The following CYP46A1 variants were observed in gnomAD, a reference collection of about 807,000 sequenced individuals.
The protein encoded by CYP46A1 is cholesterol 24-hydroxylase.
In CYP46A1, 20 loss-of-function variants were observed where a neutral mutation model predicts 63.3. The ratio of observed to expected loss-of-function variants is 0.32; its 90% confidence interval spans 0.22 to 0.46. The LOEUF (loss-of-function observed/expected upper bound fraction) is 0.46, where lower values mean the gene tolerates loss of function less well. Ranked by LOEUF, CYP46A1 falls within the 20% of genes least tolerant of loss-of-function variation. The pLI is 1.00. For synonymous variants in CYP46A1, 268 were observed against 273.6 expected (o/e 0.98, Z 0.20); for missense variants, 445 against 670.8 (o/e 0.66, Z 3.72).
intron 9 of CYP46A1, 43 bp from the exon 10 acceptor site, chr14:99,718,011 C>A: frequency 1.3e-6 from 2 of 1,505,556 alleles, no homozygotes; most frequent in Non-Finnish European, 1.8e-6. Flanking sequence ...CTCCTTCATC[C>A]TGTGGCCCCA....
intron 5 of CYP46A1, chr14:99,703,952 G>A (rs2056653612): frequency 1.1e-6 from 1 of 909,506 alleles, no homozygotes; most frequent in Non-Finnish European, 1.3e-6. Flanking sequence ...AAGAGCCAGG[G>A]TTGCAAAGGC....
intron 7 of CYP46A1, chr14:99,710,663 C>T (rs1410073190): frequency 1.3e-5 from 2 of 152,028 alleles, no homozygotes; most frequent in African/African-American, 2.4e-5. Flanking sequence ...TACCAGAGCA[C>T]CCAGAGATAG....
At position 99,722,036 on chromosome 14, in the gene CYP46A1, G is replaced by A. The variant is rs1306724523; in HGVS notation, c.1146G>A (p.Gly382=). ...TGGAAGAGGAGACCTTGATTGATGG[G>A]GTCAGAGTCCCCGGCAACACCCCGC... is the stretch of plus-strand genomic sequence containing the variant. ...RLLEEETLID[G]VRVPGNTPLL... Residue 382 remains glycine (G), a synonymous_variant, in exon 12 of 15, where the codon GGG becomes GGA. Coordinates refer to ENST00000261835, the MANE Select transcript of CYP46A1 (RefSeq NM_006668.2). The surrounding 1 kb of genome is among the most constrained non-coding windows in gnomAD (Gnocchi z 4.6). 6.2e-7 allele frequency: 1 copy of A among 1,613,262 alleles called. No homozygotes were observed.
chr14:99,726,262 A>C lies in CYP46A1; in HGVS notation c.1332+6A>C, dbSNP rs1566838375. On this transcript the variant is annotated splice_donor_region_variant and intron_variant, in intron 14 of 14. Transcript: ENST00000261835. ...TCGGGCAGCAGTTTGCTCAGGTAGGAGGGGCAGGGCTGTGGTTCTGCCCAG... is the reference window on the plus strand; with the variant it reads ...TCGGGCAGCAGTTTGCTCAGGTAGGCGGGGCAGGGCTGTGGTTCTGCCCAG... The C allele has an allele frequency of 6.2e-7, 1 of 1,612,868 alleles. No individual in the cohort carries two copies. The highest frequency in any genetic ancestry group is 2.2e-5 in the East Asian group (1 of 44,824).
chr14:99,696,190 T>G (rs1015107656), intron 3 of CYP46A1, among the ~76,000 whole-genome samples: 4 of 152,218 alleles, frequency 2.6e-5, no homozygotes, highest in African/African-American at 9.6e-5. Context: ...ATCTGTTTTT[T>G]GTTCCCTTTT....
intron 5 of CYP46A1, among the ~76,000 whole-genome samples, chr14:99,701,842 G>A (rs1285029873): frequency 6.6e-6 from 1 of 152,174 alleles, no homozygotes; most frequent in Non-Finnish European, 1.5e-5. Flanking sequence ...GGCCAAGGCA[G>A]GCGGATCACC....
At chr14:99,720,327 C>T (rs1488948935) in intron 10 of CYP46A1, among the ~76,000 whole-genome samples, 5 of 152,174 alleles carry the variant, frequency 3.3e-5, no homozygotes, top group African/African-American at 4.8e-5. Context: ...TTTTCCATAA[C>T]GGCTGAACCA....
rs1287607208 is a variant in CYP46A1, at chr14:99,684,668, G to A, written c.119+132G>A. On this transcript the variant is annotated intron_variant, in intron 1 of 14. Transcript: ENST00000261835. ...GCGGCCGCTGGGAGTCGGCGGCCCC[G>A]AGAGGGGCGCTAACTATTCTTAGTA... 6.8e-6 allele frequency: 5 copies of A among 731,774 alleles called. No homozygotes were observed. In the African/African-American group the frequency reaches 8.8e-5, roughly 13 times the overall value. The allele number at this position is 731,774 out of a possible 1,614,324, so 45.3% of individuals were successfully genotyped here.
chr14:99,725,610 G>A lies in CYP46A1; in HGVS notation c.1265+131G>A. 1.5e-6 allele frequency: 1 copy of A among 675,028 alleles called. No homozygotes were observed. Among genetic ancestry groups the A allele is most frequent in the Non-Finnish European group, 2.6e-6 (1 of 384,606 alleles). 41.8% of individuals were successfully genotyped at this position (675,028 alleles called of 1,614,324 possible). ...CAGATCCCTGTGAGGTGGTTGTGGA[G>A]GAAATCACAGCTCAGAGAGGTTAAG... On this transcript the variant is annotated intron_variant, in intron 13 of 14. Coordinates refer to ENST00000261835, the MANE Select transcript of CYP46A1 (RefSeq NM_006668.2). The surrounding 1 kb of genome is among the most constrained non-coding windows in gnomAD (Gnocchi z 4.2).
At position 99,725,134 on chromosome 14, in the gene CYP46A1, TC is replaced by T. The variant is rs2056883962; in HGVS notation, c.1177-253del. 1.3e-5 allele frequency among the ~76,000 whole-genome samples: 2 copies of T among 152,178 alleles called. No homozygotes were observed. The highest frequency in any genetic ancestry group is 4.2e-4 in the South Asian group (2 of 4,814). On this transcript the variant is annotated intron_variant, in intron 12 of 14. Transcript: ENST00000261835. The surrounding 1 kb of genome is among the most constrained non-coding windows in gnomAD (Gnocchi z 4.2). The stretch of plus-strand genomic sequence containing the variant: ...TCTGTAAAATGGGGACAATGACGGC[TC>T]CCCTACAGGGCTGAGCCCAGCACAG...
chr14:99,708,844 G>A (rs1380651767), intron 7 of CYP46A1: 1 of 152,324 alleles, frequency 6.6e-6, no homozygotes, highest in East Asian at 1.9e-4. Flanking sequence ...GTTGCCACCA[G>A]TGATGCTCAA....
intron 14 of CYP46A1, 58 bp downstream of exon 14, chr14:99,726,314 C>A: frequency 6.4e-7 from 1 of 1,561,440 alleles, no homozygotes; most frequent in Non-Finnish European, 8.8e-7. Flanking sequence ...GGGGGCTCAT[C>A]CTGAGCCGGG....
chr14:99,691,733 A>C (rs757850572), intron 2 of CYP46A1, 47 bp from the exon 3 acceptor site: 1 of 1,586,578 alleles, frequency 6.3e-7, no homozygotes, highest in Non-Finnish European at 8.7e-7. Flanking sequence ...GGTGATGGTC[A>C]TACCTCAGGT....
At chr14:99,697,490 G>A (rs2056596526) in intron 3 of CYP46A1, among the ~76,000 whole-genome samples, 1 of 152,148 alleles carries the variant, frequency 6.6e-6, no homozygotes, top group Admixed American at 6.5e-5. Flanking sequence ...TGCTGTCCTG[G>A]AATTGCCTCT....
intron 1 of CYP46A1, among the ~76,000 whole-genome samples, chr14:99,688,805 T>C (rs1566825027): frequency 6.6e-6 from 1 of 152,058 alleles, no homozygotes; most frequent in Non-Finnish European, 1.5e-5. Context: ...GGGGGCTCGG[T>C]TCCCGGTGAT....
chr14:99,703,513 C>T lies in CYP46A1; in HGVS notation c.444-3134C>T, dbSNP rs117559143. The T allele has an allele frequency of 5.4e-3, 4,660 of 869,182 alleles. 14 individuals are homozygous for T. Among genetic ancestry groups the T allele is most frequent in the Non-Finnish European group, 5.9e-3 (4,256 of 724,112 alleles). 53.8% of individuals were successfully genotyped at this position (869,182 alleles called of 1,614,324 possible). A position where few individuals can be genotyped will look rare whatever the true frequency, so the allele number is the denominator to read the frequency against. The stretch of plus-strand genomic sequence containing the variant: ...TGCCCCTAAACCCCTCCAACCTTTG[C>T]ATCCCCTCTCCCCAGCCTTTCTGGA... On this transcript the variant is annotated intron_variant, in intron 5 of 14. Coordinates refer to ENST00000261835, the MANE Select transcript of CYP46A1 (RefSeq NM_006668.2).
chr14:99,701,714 A>G lies in CYP46A1; in HGVS notation c.443+1613A>G, dbSNP rs565334803. On this transcript the variant is annotated intron_variant, in intron 5 of 14. Coordinates refer to ENST00000261835, the MANE Select transcript of CYP46A1 (RefSeq NM_006668.2). ...AAGTGTACGATTCAATGGCGTTGGTATATTCATAGAATTCTATAACCATCA... is the reference window on the plus strand; with the variant it reads ...AAGTGTACGATTCAATGGCGTTGGTGTATTCATAGAATTCTATAACCATCA... 5.3e-5 allele frequency among the ~76,000 whole-genome samples: 8 copies of G among 152,356 alleles called. No individual in the cohort carries two copies. In the South Asian group the frequency reaches 1.0e-3, roughly 20 times the overall value.
At chr14:99,708,153 C>T (rs2056696281) in intron 7 of CYP46A1, 1 of 233,036 alleles carries the variant, frequency 4.3e-6, no homozygotes, top group Non-Finnish European at 8.6e-6. Context: ...CCACCCACTG[C>T]CAGCACCCGT....
At chr14:99,691,933 C>T (rs2056547232) in intron 3 of CYP46A1, 72 bp downstream of exon 3, 1 of 1,478,884 alleles carries the variant, frequency 6.8e-7, no homozygotes, top group South Asian at 1.1e-5. Context: ...AGCCTGGTCC[C>T]AGAGACTTTG....
Sources: gnomAD v4.1 joint callset for allele counts (sites outside exome capture counted in the v4.1 genomes callset) on GRCh38, gnomAD v4.1.1 for gene constraint, Gnocchi (gnomAD v3.1) non-coding constraint, MANE v1.5 for transcripts, NCBI Gene and HGNC (gene_info 2026-07-23, HGNC 2026-07-21) for gene names.